Variants in TBX15 observed in about 807,000 individuals in gnomAD.
TBX15 encodes the protein T-box transcription factor 15.
In TBX15, 18 loss-of-function variants were observed where a neutral mutation model predicts 53.9. The observed-to-expected ratio is 0.33, with a 90% confidence interval of 0.23 to 0.49. The LOEUF (loss-of-function observed/expected upper bound fraction) is 0.49, where lower values mean the gene tolerates loss of function less well. TBX15 is among the 20% of genes least tolerant of loss of function. The pLI is 0.98. For missense variants in TBX15, 692 were observed against 749.5 expected (o/e 0.92, Z 0.90); for synonymous variants, 295 against 278.0 (o/e 1.06, Z -0.61).
At chr1:118,987,444 CAG>C in intron 1 of TBX15, 145 bp downstream of exon 1, 2 of 1,041,728 alleles carry the variant, frequency 1.9e-6, no homozygotes, top group Non-Finnish European at 2.7e-6. Flanking sequence ...TAGGGAGGCT[CAG>C]GGCATTTGCG....
intron 7 of TBX15, among the ~76,000 whole-genome samples, chr1:118,897,232 T>C (rs1162887301): frequency 1.3e-5 from 2 of 152,144 alleles, no homozygotes; most frequent in African/African-American, 4.8e-5. Context: ...TCTACATACA[T>C]ATTAGGTGGT....
In TBX15 at chr1:118,884,412, C is replaced by G; in HGVS notation, c.*320G>C. Reference sequence around the variant, plus strand: ...TGTAACTTTTCATGGCTGCCACACACTAGCATCTCCCTTAACATTATGACG... The same window carrying G: ...TGTAACTTTTCATGGCTGCCACACAGTAGCATCTCCCTTAACATTATGACG... On this transcript the variant is annotated 3_prime_UTR_variant, in exon 8 of 8. Transcript: ENST00000369429. 5.1e-6 allele frequency: 2 copies of G among 392,768 alleles called. No homozygotes were observed. Among genetic ancestry groups the G allele is most frequent in the Non-Finnish European group, 9.5e-6 (2 of 211,638 alleles). 24.3% of individuals were successfully genotyped at this position (392,768 alleles called of 1,614,324 possible). A position where few individuals can be genotyped will look rare whatever the true frequency, so the allele number is the denominator to read the frequency against.
intron 1 of TBX15, among the ~76,000 whole-genome samples, chr1:118,973,248 C>G (rs1303394237): frequency 2.0e-5 from 3 of 152,164 alleles, no homozygotes; most frequent in African/African-American, 4.8e-5. Flanking sequence ...AATCAGGTCT[C>G]CCTGACTCCT....
intron 1 of TBX15, among the ~76,000 whole-genome samples, chr1:118,941,210 A>G (rs1325942): frequency 0.76 from 115,692 of 152,184 alleles, 44,372 homozygotes; most frequent in East Asian, 0.86. Flanking sequence ...TTTAATTTCT[A>G]TGATGTGAAA....
At chr1:118,923,399 C>T in intron 5 of TBX15, 37 bp downstream of exon 5, 1 of 1,612,884 alleles carries the variant, frequency 6.2e-7, no homozygotes, top group East Asian at 2.2e-5. Context: ...GACCAAAAAA[C>T]AGATGTAGCA....
At chr1:118,987,502 C>A in intron 1 of TBX15, 89 bp downstream of exon 1, 10 of 1,409,350 alleles carry the variant, frequency 7.1e-6, no homozygotes, top group Non-Finnish European at 9.4e-6. Context: ...GCGTCAATGG[C>A]AGGGCCTAGC....
At chr1:118,930,229 T>A (rs1053483627) in intron 2 of TBX15, among the ~76,000 whole-genome samples, 4 of 152,226 alleles carry the variant, frequency 2.6e-5, no homozygotes, top group Non-Finnish European at 4.4e-5. Context: ...TATTTTACTT[T>A]AAATGGCTAT....
chr1:118,887,506 C>G (rs1571144527), intron 7 of TBX15, among the ~76,000 whole-genome samples: 1 of 152,128 alleles, frequency 6.6e-6, no homozygotes, highest in Non-Finnish European at 1.5e-5. Flanking sequence ...GAAACCCCGT[C>G]TCTACTAAAA....
chr1:118,943,962 C>T (rs368423831), intron 1 of TBX15, among the ~76,000 whole-genome samples: 119 of 152,230 alleles, frequency 7.8e-4, no homozygotes, highest in African/African-American at 2.7e-3. Flanking sequence ...AAAACTTCAC[C>T]TCATCCACCA....
At chr1:118,915,203 G>A (rs1202720708) in intron 5 of TBX15, among the ~76,000 whole-genome samples, 1 of 152,098 alleles carries the variant, frequency 6.6e-6, no homozygotes, top group African/African-American at 2.4e-5. Flanking sequence ...AAGGAAGGAA[G>A]GCACTCCCAA....
intron 1 of TBX15, among the ~76,000 whole-genome samples, chr1:118,946,233 T>C (rs932555801): frequency 2.6e-5 from 4 of 152,130 alleles, no homozygotes; most frequent in Admixed American, 6.5e-5. Context: ...ACAGTCATAG[T>C]TTGAGATGAA....
chr1:118,943,140 A>T (rs1040640613), intron 1 of TBX15, among the ~76,000 whole-genome samples: 1 of 152,226 alleles, frequency 6.6e-6, no homozygotes, highest in Non-Finnish European at 1.5e-5. Context: ...CACAATAGGA[A>T]TATACTTAAT....
chr1:118,928,464 G>T (rs141961616), intron 2 of TBX15, among the ~76,000 whole-genome samples: 1 of 152,196 alleles, frequency 6.6e-6, no homozygotes, highest in East Asian at 1.9e-4. Context: ...TATAGGTTAG[G>T]CACTTTAATT....
At chr1:118,980,518 G>A (rs192571959) in intron 1 of TBX15, among the ~76,000 whole-genome samples, 180 of 152,300 alleles carry the variant, frequency 1.2e-3, no homozygotes, top group African/African-American at 4.1e-3. Flanking sequence ...TGTAGAAAAT[G>A]TAAGAAGACA....
chr1:118,964,006 C>T (rs1172424151), intron 1 of TBX15, among the ~76,000 whole-genome samples: 1 of 152,168 alleles, frequency 6.6e-6, no homozygotes, highest in Non-Finnish European at 1.5e-5. Flanking sequence ...AGACATACAT[C>T]CCATATTAGG....
At chr1:118,960,183 GT>G (rs1206306867) in intron 1 of TBX15, among the ~76,000 whole-genome samples, 1 of 152,156 alleles carries the variant, frequency 6.6e-6, no homozygotes, top group Admixed American at 6.5e-5. Context: ...TTCTGCCTCT[GT>G]TTTTGGCGGC....
intron 6 of TBX15, among the ~76,000 whole-genome samples, chr1:118,905,242 T>C (rs1475706883): frequency 1.3e-5 from 2 of 152,186 alleles, no homozygotes; most frequent in Non-Finnish European, 2.9e-5. Flanking sequence ...CAAAAACGTG[T>C]CCCTCAAGTC....
intron 1 of TBX15, among the ~76,000 whole-genome samples, chr1:118,942,984 A>G (rs1325943): frequency 0.54 from 82,058 of 151,910 alleles, 22,368 homozygotes; most frequent in East Asian, 0.59. Flanking sequence ...CAGAGTCGCT[A>G]AGAAGTAAGG....
chr1:118,945,294 C>T (rs1656312090), intron 1 of TBX15, among the ~76,000 whole-genome samples: 1 of 152,098 alleles, frequency 6.6e-6, no homozygotes, highest in Non-Finnish European at 1.5e-5. Flanking sequence ...GTCTTTAAAG[C>T]AGCATACTAC....
Sources: gnomAD v4.1 joint callset for allele counts (sites outside exome capture counted in the v4.1 genomes callset) on GRCh38, gnomAD v4.1.1 for gene constraint, MANE v1.5 for transcripts, NCBI Gene and HGNC (gene_info 2026-07-23, HGNC 2026-07-21) for gene names.